The following NEBL variants were observed in gnomAD, a reference collection of about 807,000 sequenced individuals.
NEBL encodes LIM and SH3 protein 2.
In NEBL, 122 loss-of-function variants were observed where a neutral mutation model predicts 140.2. The ratio of observed to expected loss-of-function variants is 0.87; its 90% CI spans 0.75 to 1.01. The LOEUF (loss-of-function observed/expected upper bound fraction) is 1.01. Ranked by LOEUF, NEBL falls within the 50% of genes least tolerant of loss-of-function variation. NEBL has a pLI of 0.00. For missense variants in NEBL, 1,365 were observed against 1,231.3 expected, an observed-to-expected ratio of 1.11 and a Z score of -1.62; for synonymous variants, 436 against 398.9, an observed-to-expected ratio of 1.09 and a Z score of -1.11.
At chr10:21,221,898 A>C (rs1045000632) in intron 3 of NEBL, among the ~76,000 whole-genome samples, 1 of 152,028 alleles carries the variant, frequency 6.6e-6, no homozygotes, top group Non-Finnish European at 1.5e-5. Context: ...CTTTTTACAT[A>C]AACACTGAGA....
intron 4 of NEBL, among the ~76,000 whole-genome samples, chr10:20,938,148 G>A (rs947772895): frequency 3.3e-5 from 5 of 152,326 alleles, no homozygotes; most frequent in South Asian, 2.1e-4. Context: ...CTCCTAAAGT[G>A]GGTCCCTGAC....
chr10:21,035,368 G>C (rs1833972934), intron 2 of NEBL, among the ~76,000 whole-genome samples: 1 of 149,550 alleles, frequency 6.7e-6, no homozygotes, highest in African/African-American at 2.5e-5. Context: ...AACAGTATGT[G>C]TTAAAGAAAA....
At chr10:21,090,712 C>T (rs1836872942) in intron 2 of NEBL, among the ~76,000 whole-genome samples, 1 of 152,184 alleles carries the variant, frequency 6.6e-6, no homozygotes, top group Non-Finnish European at 1.5e-5. Context: ...AATTAGGAAG[C>T]TGAATGGCCG....
At chr10:21,087,911 T>C (rs1836714481) in intron 2 of NEBL, among the ~76,000 whole-genome samples, 1 of 152,204 alleles carries the variant, frequency 6.6e-6, no homozygotes, top group Admixed American at 6.5e-5. Context: ...CACTCTGAAA[T>C]AGGCAAATCG....
intron 2 of NEBL, among the ~76,000 whole-genome samples, chr10:21,023,846 A>G (rs1486910521): frequency 6.6e-6 from 1 of 152,166 alleles, no homozygotes; most frequent in Non-Finnish European, 1.5e-5. Flanking sequence ...TCCATGCAAG[A>G]CAAAAATGAA....
intron 3 of NEBL, among the ~76,000 whole-genome samples, chr10:21,227,824 C>G (rs1459153709): frequency 6.7e-6 from 1 of 149,188 alleles, no homozygotes; most frequent in African/African-American, 2.5e-5. Context: ...TGTTCTTCTT[C>G]TTCTTTCTTC....
Position 20,810,338 on chromosome 10 carries a change from G to A in NEBL, c.2519-440C>T, listed in dbSNP as rs532819295. On this transcript the variant is annotated intron_variant, in intron 24 of 27. Transcript: ENST00000377122. The stretch of plus-strand genomic sequence containing the variant: ...TGTGAGTAATTCATAGGAAACAATT[G>A]AGAAGTTTATGTTTAAAAAACAAAA... Among the ~76,000 whole-genome samples the A allele has an allele frequency of 5.3e-5, 8 of 152,074 alleles. No individual in the cohort carries two copies. The South Asian group carries it at 8.3e-4, about 16-fold the overall frequency.
intron 4 of NEBL, among the ~76,000 whole-genome samples, chr10:20,884,083 A>C (rs1846248835): frequency 6.6e-6 from 1 of 152,200 alleles, no homozygotes; most frequent in Admixed American, 6.5e-5. Flanking sequence ...AGGAACCTGG[A>C]GACAGGAGTC....
chr10:20,992,885 C>G (rs565544259), intron 3 of NEBL, among the ~76,000 whole-genome samples: 7 of 137,970 alleles, frequency 5.1e-5, no homozygotes, highest in Non-Finnish European at 1.1e-4. Context: ...TCATACCATT[C>G]TCCCACCTCA....
In NEBL at chr10:20,888,648, C is replaced by T. The variant is rs368747244; in HGVS notation, c.259-441G>A. On this transcript the variant is annotated intron_variant, in intron 3 of 27. Coordinates refer to ENST00000377122, the MANE Select transcript of NEBL (RefSeq NM_006393.3). ...CTCCAGGGGGAGAGGGGAGTGAGTG[C>T]TTTTTTGTTGTTTATGTGCCTACCC... 1.5e-4 allele frequency among the ~76,000 whole-genome samples: 23 copies of T among 152,220 alleles called. 1 individual carries two copies. In the East Asian group the frequency reaches 3.9e-3, roughly 26 times the overall value.
intron 1 of NEBL, among the ~76,000 whole-genome samples, chr10:21,289,164 T>C (rs1843108562): frequency 6.6e-6 from 1 of 151,988 alleles, no homozygotes; most frequent in Non-Finnish European, 1.5e-5. Flanking sequence ...TATTTTATGA[T>C]AGGGCAGTAA....
intron 4 of NEBL, among the ~76,000 whole-genome samples, chr10:20,933,553 G>T (rs1211720328): frequency 6.6e-6 from 1 of 152,048 alleles, no homozygotes; most frequent in Admixed American, 6.6e-5. Context: ...GGCCAACATG[G>T]CTAAACCCCA....
chr10:21,065,861 T>C (rs1466961887), intron 2 of NEBL, among the ~76,000 whole-genome samples: 2 of 152,150 alleles, frequency 1.3e-5, no homozygotes, highest in Non-Finnish European at 2.9e-5. Context: ...TGCACCAGGT[T>C]AAGAACATTA....
intron 3 of NEBL, among the ~76,000 whole-genome samples, chr10:21,206,950 ATCATTTTCTTTTTCTT>A: frequency 7.1e-6 from 1 of 140,992 alleles, no homozygotes; most frequent in African/African-American, 2.6e-5. Context: ...AAGCCATATT[ATCATTTTCTTTTTCTT>A]TCTTTTTTTT....
intron 11 of NEBL, among the ~76,000 whole-genome samples, chr10:20,849,371 G>T (rs190365498): frequency 1.3e-5 from 2 of 152,064 alleles, no homozygotes; most frequent in Non-Finnish European, 2.9e-5. Context: ...CAAATACGCC[G>T]CCTATGCTTT....
intron 4 of NEBL, among the ~76,000 whole-genome samples, chr10:20,937,235 CCCA>C (rs1834538500): frequency 6.6e-6 from 1 of 152,162 alleles, no homozygotes; most frequent in African/African-American, 2.4e-5. Flanking sequence ...CCTTGGTGTA[CCCA>C]TCTCCACTGA....
intron 5 of NEBL, among the ~76,000 whole-genome samples, chr10:20,876,782 T>C (rs1483537588): frequency 2.0e-5 from 3 of 152,202 alleles, no homozygotes; most frequent in Non-Finnish European, 4.4e-5. Flanking sequence ...TTCATGTCTC[T>C]CATAAGACTG....
At chr10:20,911,355 T>C (rs1848325168) in intron 4 of NEBL, among the ~76,000 whole-genome samples, 1 of 152,192 alleles carries the variant, frequency 6.6e-6, no homozygotes. Context: ...ACACCTGTTG[T>C]GAGCATTCAA....
intron 2 of NEBL, among the ~76,000 whole-genome samples, chr10:21,067,295 A>G (rs1171578944): frequency 1.3e-5 from 2 of 152,210 alleles, no homozygotes; most frequent in Non-Finnish European, 2.9e-5. Flanking sequence ...TTTAAAGTGA[A>G]ATACATAAAT....
Sources: allele counts gnomAD v4.1 joint callset (sites outside exome capture counted in the v4.1 genomes callset), GRCh38; gene constraint gnomAD v4.1.1; transcripts MANE v1.5; gene names NCBI Gene and HGNC (gene_info 2026-07-23, HGNC 2026-07-21).